The following CTNND2 variants were observed in gnomAD, a reference collection of about 807,000 sequenced individuals.
CTNND2 encodes catenin delta 2, also known as catenin delta-2.
Under a neutral mutation model 144.4 loss-of-function variants are expected in CTNND2, and 22 were observed. The observed-to-expected ratio is 0.15, with a 90% confidence interval of 0.11 to 0.22. The LOEUF (loss-of-function observed/expected upper bound fraction) is 0.22. Ranked by LOEUF, CTNND2 falls within the 10% of genes least tolerant of loss-of-function variation. The pLI, the probability that CTNND2 is intolerant of heterozygous loss-of-function variation, is 1.00. For missense variants in CTNND2, 1,353 were observed against 1,618.8 expected, an observed-to-expected ratio of 0.84 and a Z score of 2.82; for synonymous variants, 751 against 695.6, an observed-to-expected ratio of 1.08 and a Z score of -1.25.
chr5:11,857,321 G>C (rs1795297317), intron 1 of CTNND2, among the ~76,000 whole-genome samples: 1 of 152,154 alleles, frequency 6.6e-6, no homozygotes, highest in East Asian at 1.9e-4. Flanking sequence ...TTTGCAGGGG[G>C]CATGTGTGGC....
chr5:11,494,885 T>G (rs189902137), intron 3 of CTNND2, among the ~76,000 whole-genome samples: 138 of 152,304 alleles, frequency 9.1e-4, no homozygotes, highest in African/African-American at 3.2e-3. Context: ...TCACTTATAC[T>G]TTCTGTTCTC....
intron 14 of CTNND2, 67 bp from the exon 15 acceptor site, chr5:11,098,815 C>T: frequency 6.7e-7 from 1 of 1,497,790 alleles, no homozygotes; most frequent in Non-Finnish European, 9.2e-7. Context: ...TTGCCTTCCT[C>T]AAACATTACA....
At chr5:11,895,322 G>A (rs1246657979) in intron 1 of CTNND2, among the ~76,000 whole-genome samples, 2 of 152,150 alleles carry the variant, frequency 1.3e-5, no homozygotes, top group African/African-American at 2.4e-5. Flanking sequence ...AGTAGAAACA[G>A]CTAATGTGTG....
intron 2 of CTNND2, among the ~76,000 whole-genome samples, chr5:11,681,740 T>A (rs959729757): frequency 6.6e-6 from 1 of 152,246 alleles, no homozygotes; most frequent in African/African-American, 2.4e-5. Context: ...AATAATTTGA[T>A]GTGTACTTCC....
chr5:11,096,396 C>T (rs914453309), intron 15 of CTNND2, among the ~76,000 whole-genome samples: 2 of 152,056 alleles, frequency 1.3e-5, no homozygotes, highest in African/African-American at 4.8e-5. Flanking sequence ...TTCCCACTTA[C>T]GAGTGAGAAC....
chr5:11,123,694 A>G (rs1754368837), intron 12 of CTNND2, among the ~76,000 whole-genome samples: 2 of 152,222 alleles, frequency 1.3e-5, no homozygotes, highest in African/African-American at 4.8e-5. Flanking sequence ...CCCTTCCCCT[A>G]TACTTCGATT....
At chr5:11,842,242 C>T (rs1004871772) in intron 1 of CTNND2, among the ~76,000 whole-genome samples, 10 of 152,076 alleles carry the variant, frequency 6.6e-5, no homozygotes, top group African/African-American at 2.2e-4. Flanking sequence ...GGGGAGGCAG[C>T]AATTCTGAAA....
At chr5:11,681,594 G>A (rs1265430940) in intron 2 of CTNND2, among the ~76,000 whole-genome samples, 1 of 152,074 alleles carries the variant, frequency 6.6e-6, no homozygotes, top group African/African-American at 2.4e-5. Context: ...GTTAATGAAG[G>A]GATAATGAAT....
intron 12 of CTNND2, among the ~76,000 whole-genome samples, chr5:11,132,776 TG>T (rs1209775834): frequency 6.6e-6 from 1 of 152,180 alleles, no homozygotes; most frequent in Non-Finnish European, 1.5e-5. Context: ...AAACATTCCT[TG>T]GATCAAAATA....
At chr5:11,007,449 T>C (rs530753735) in intron 18 of CTNND2, among the ~76,000 whole-genome samples, 3 of 152,370 alleles carry the variant, frequency 2.0e-5, no homozygotes, top group East Asian at 3.9e-4. Context: ...CCTCGGGAAC[T>C]GCTGGCAGCC....
intron 19 of CTNND2, among the ~76,000 whole-genome samples, chr5:10,989,519 T>C (rs990615676): frequency 4.6e-5 from 7 of 152,178 alleles, no homozygotes; most frequent in African/African-American, 1.7e-4. Context: ...AGGATAAATC[T>C]CTCTTTCCTT....
chr5:11,089,853 T>A (rs1750580383), intron 15 of CTNND2, among the ~76,000 whole-genome samples: 1 of 152,008 alleles, frequency 6.6e-6, no homozygotes. Flanking sequence ...CTACTAAAAA[T>A]ACAAAAATTA....
intron 11 of CTNND2, among the ~76,000 whole-genome samples, chr5:11,179,619 G>T (rs1760813554): frequency 6.6e-6 from 1 of 152,052 alleles, no homozygotes; most frequent in South Asian, 2.1e-4. Context: ...TGTTATAAGA[G>T]ATATGGTTTT....
At chr5:11,497,182 T>C (rs1395081465) in intron 3 of CTNND2, among the ~76,000 whole-genome samples, 1 of 151,912 alleles carries the variant, frequency 6.6e-6, no homozygotes, top group East Asian at 1.9e-4. Flanking sequence ...CAGAGGAAGT[T>C]CTTCCTCCAG....
chr5:11,694,524 G>C (rs1169469966), intron 2 of CTNND2, among the ~76,000 whole-genome samples: 2 of 152,166 alleles, frequency 1.3e-5, no homozygotes, highest in Non-Finnish European at 2.9e-5. Context: ...TGCAGAAGGA[G>C]AGCTGAAATG....
chr5:11,421,180 C>T (rs76294074), intron 3 of CTNND2, among the ~76,000 whole-genome samples: 6 of 152,162 alleles, frequency 3.9e-5, no homozygotes, highest in Non-Finnish European at 8.8e-5. Context: ...TTGGCAATCA[C>T]CATGACAACA....
chr5:11,641,851 C>T (rs1782071767), intron 2 of CTNND2, among the ~76,000 whole-genome samples: 1 of 150,054 alleles, frequency 6.7e-6, no homozygotes, highest in Non-Finnish European at 1.5e-5. Context: ...TATGTATATA[C>T]ATATACATAT....
intron 2 of CTNND2, among the ~76,000 whole-genome samples, chr5:11,589,582 T>G (rs1003940962): frequency 6.6e-6 from 1 of 152,158 alleles, no homozygotes; most frequent in African/African-American, 2.4e-5. Context: ...GAAAGACAGC[T>G]TGCTAGATAC....
At chr5:11,464,174 A>G (rs61758938) in intron 3 of CTNND2, among the ~76,000 whole-genome samples, 6,828 of 152,286 alleles carry the variant, frequency 0.045, 520 homozygotes, top group African/African-American at 0.16. Flanking sequence ...GGAATTCAGC[A>G]GTGAGCCAAA....
Sources: allele counts gnomAD v4.1 joint callset (sites outside exome capture counted in the v4.1 genomes callset), GRCh38; gene constraint gnomAD v4.1.1; transcripts MANE v1.5; gene names NCBI Gene and HGNC (gene_info 2026-07-23, HGNC 2026-07-21).